RPS6KC1: variants seen among roughly 807,000 people sequenced by gnomAD.
RPS6KC1 encodes the protein ribosomal protein S6 kinase C1.
In RPS6KC1, 54 loss-of-function variants were observed where a neutral mutation model predicts 103.8. The observed-to-expected ratio is 0.52, with a 90% CI of 0.42 to 0.65. RPS6KC1 has a LOEUF of 0.65. RPS6KC1 is among the 30% of genes least tolerant of loss of function. RPS6KC1 has a pLI of 0.00. For missense variants in RPS6KC1, 1,151 were observed against 1,253.8 expected (o/e 0.92, Z 1.24); for synonymous variants, 439 against 438.7 (o/e 1.00, Z -0.01).
chr1:213,203,556 T>C (rs967975410), intron 8 of RPS6KC1, among the ~76,000 whole-genome samples: 3 of 152,172 alleles, frequency 2.0e-5, no homozygotes, highest in African/African-American at 7.2e-5. Flanking sequence ...GGTTTATATG[T>C]TCTTACTGAA....
chr1:213,512,817 C>G, the RPS6KC1 span, among the ~76,000 whole-genome samples: 2 of 152,126 alleles, frequency 1.3e-5, no homozygotes, highest in African/African-American at 2.4e-5. Context: ...TAGTTGCCAC[C>G]CAGCTACCCT....
the RPS6KC1 span, among the ~76,000 whole-genome samples, chr1:213,340,353 G>A: frequency 1.3e-5 from 2 of 152,130 alleles, no homozygotes; most frequent in South Asian, 2.1e-4. Context: ...TTTCTAATTC[G>A]GGGTCTTAAT....
At chr1:213,304,366 T>A in the RPS6KC1 span, among the ~76,000 whole-genome samples, 4 of 152,084 alleles carry the variant, frequency 2.6e-5, no homozygotes, top group Non-Finnish European at 5.9e-5. Context: ...ACATATTAAC[T>A]AAAGAGAATT....
the RPS6KC1 span, among the ~76,000 whole-genome samples, chr1:213,755,866 A>G: frequency 6.6e-6 from 1 of 152,236 alleles, no homozygotes; most frequent in Non-Finnish European, 1.5e-5. Context: ...GCATTCTGCC[A>G]TATGTCAGAC....
rs1244980812 is a variant in RPS6KC1 at position 213,241,878 on chromosome 1, G to A, written c.2402G>A (p.Gly801Glu). Residue 801 changes from glycine (G) to glutamate (E), a missense_variant, in exon 11 of 15, where the codon GGA (glycine) becomes GAA (glutamate). Gly to Glu is a moderately conservative substitution (Grantham distance 98). Transcript: ENST00000366960. ...CCCAGCTCAGATCCTAAGTTTCAAG[G>A]ACTTGGAGTGGTTGAGTCAGCAGTA... ...LLPSSDPKFQ[G>E]LGVVESAVTA... 1 of 1,613,952 alleles carries A rather than the reference G, an allele frequency of 6.2e-7. No homozygotes were observed. The highest frequency in any genetic ancestry group is 1.3e-5 in the African/African-American group (1 of 75,012).
At chr1:213,851,818 G>A in the RPS6KC1 span, among the ~76,000 whole-genome samples, 2 of 151,968 alleles carry the variant, frequency 1.3e-5, no homozygotes, top group South Asian at 2.1e-4. Context: ...AACCAGCGTG[G>A]GAGCCACCCC....
chr1:213,625,775 C>A, the RPS6KC1 span, among the ~76,000 whole-genome samples: 1 of 152,178 alleles, frequency 6.6e-6, no homozygotes, highest in Non-Finnish European at 1.5e-5. Flanking sequence ...TTTTTTATGG[C>A]TGCATAGTAT....
At chr1:213,395,088 T>C in the RPS6KC1 span, among the ~76,000 whole-genome samples, 1 of 152,194 alleles carries the variant, frequency 6.6e-6, no homozygotes, top group African/African-American at 2.4e-5. Context: ...CTGGCTGCCA[T>C]TGGCCAATAG....
chr1:213,624,987 T>C, the RPS6KC1 span, among the ~76,000 whole-genome samples: 162 of 152,112 alleles, frequency 1.1e-3, no homozygotes, highest in African/African-American at 3.6e-3. Flanking sequence ...TTTATTTTGT[T>C]TTGTTTCTTT....
the RPS6KC1 span, among the ~76,000 whole-genome samples, chr1:213,437,116 A>C: frequency 6.6e-6 from 1 of 152,114 alleles, no homozygotes; most frequent in African/African-American, 2.4e-5. Flanking sequence ...TTGCACTATG[A>C]AAGTATGATG....
intron 6 of RPS6KC1, among the ~76,000 whole-genome samples, chr1:213,140,062 C>G (rs1057383810): frequency 4.6e-5 from 7 of 151,976 alleles, no homozygotes; most frequent in African/African-American, 1.7e-4. Flanking sequence ...GTTTACCTCC[C>G]TGGTTAGCTG....
At chr1:213,502,056 G>A in the RPS6KC1 span, among the ~76,000 whole-genome samples, 2 of 152,134 alleles carry the variant, frequency 1.3e-5, no homozygotes, top group African/African-American at 4.8e-5. Context: ...TTTCCAGGCA[G>A]AAAGAAGGCA....
the RPS6KC1 span, among the ~76,000 whole-genome samples, chr1:213,379,312 TTG>T: frequency 6.6e-6 from 1 of 152,102 alleles, no homozygotes; most frequent in Admixed American, 6.5e-5. Context: ...TGAGGTCACA[TTG>T]GAGGGTAGGC....
At chr1:213,302,007 A>AT in the RPS6KC1 span, among the ~76,000 whole-genome samples, 1 of 152,108 alleles carries the variant, frequency 6.6e-6, no homozygotes, top group Admixed American at 6.5e-5. Flanking sequence ...AAGTGCTGGG[A>AT]TTACAGGCAT....
chr1:213,657,276 G>A, the RPS6KC1 span, among the ~76,000 whole-genome samples: 1 of 151,964 alleles, frequency 6.6e-6, no homozygotes, highest in Non-Finnish European at 1.5e-5. Flanking sequence ...AGATAAGGAA[G>A]GCAAAGGTAG....
the RPS6KC1 span, among the ~76,000 whole-genome samples, chr1:213,515,136 G>T: frequency 6.7e-6 from 1 of 150,302 alleles, no homozygotes; most frequent in Non-Finnish European, 1.5e-5. Context: ...TTAGCCTTTT[G>T]TCAGATGAGT....
chr1:213,071,625 G>A (rs1397627611), intron 2 of RPS6KC1, among the ~76,000 whole-genome samples: 1 of 152,100 alleles, frequency 6.6e-6, no homozygotes, highest in Non-Finnish European at 1.5e-5. Context: ...CAAGATTTCA[G>A]TATCACTTAA....
the RPS6KC1 span, among the ~76,000 whole-genome samples, chr1:213,327,433 T>G: frequency 0.91 from 137,978 of 152,232 alleles, 63,672 homozygotes; most frequent in Non-Finnish European, 1. Flanking sequence ...CTCTGGCACT[T>G]TGGCATGTGC....
chr1:213,216,345 A>G lies in RPS6KC1; in HGVS notation c.1045-14152A>G, dbSNP rs1240059774. On this transcript the variant is annotated intron_variant, in intron 8 of 14. Coordinates refer to ENST00000366960, the MANE Select transcript of RPS6KC1 (RefSeq NM_012424.6). ...ACTATCTTAAATATATATGCACCCA[A>G]TACAGGAGCACCCAGATTCATAAAG... Among the ~76,000 whole-genome samples the G allele has an allele frequency of 3.9e-5, 6 of 152,342 alleles. No individual in the cohort carries two copies. The East Asian group carries it at 7.7e-4, about 20-fold the overall frequency.
Sources: allele counts gnomAD v4.1 joint callset (sites outside exome capture counted in the v4.1 genomes callset), GRCh38; gene constraint gnomAD v4.1.1; transcripts MANE v1.5; gene names NCBI Gene and HGNC (gene_info 2026-07-23, HGNC 2026-07-21).